Variants in CNTROB observed in about 807,000 individuals in gnomAD.
CNTROB encodes centrobin, centriole duplication and spindle assembly protein.
In CNTROB, 82 loss-of-function variants were observed where a neutral mutation model predicts 115.7. The ratio of observed to expected loss-of-function variants is 0.71; its 90% CI spans 0.59 to 0.85. The LOEUF (loss-of-function observed/expected upper bound fraction) is 0.85. Ranked by LOEUF, CNTROB falls within the 40% of genes least tolerant of loss-of-function variation. CNTROB has a pLI of 0.00. For missense variants in CNTROB, 1,014 were observed against 1,144.4 expected (o/e 0.89, Z 1.64); for synonymous variants, 439 against 456.4 (o/e 0.96, Z 0.49).
At position 7,939,700 on chromosome 17, in the gene CNTROB, A is replaced by G; in HGVS notation, c.1115A>G (p.His372Arg). 3 of 1,614,136 alleles carry G rather than the reference A, an allele frequency of 1.9e-6. No homozygotes were observed. Among genetic ancestry groups the G allele is most frequent in the Non-Finnish European group, 2.5e-6 (3 of 1,180,026 alleles). Residue 372 changes from histidine to arginine, a missense_variant, in exon 8 of 19, where the codon CAC becomes CGC. Coordinates refer to ENST00000563694, the MANE Select transcript of CNTROB (RefSeq NM_053051.5). The surrounding 1 kb of genome is among the most constrained non-coding windows in gnomAD (Gnocchi z 4.4). ...WAQQEHQLKE[H>R]YQALQEESQA... ...CAGCAAGAGCACCAGCTTAAGGAAC[A>G]CTACCAGGCGCTGCAGGAGGAGAGC...
At chr17:7,938,613 A>T (rs1973484199) in intron 7 of CNTROB, among the ~76,000 whole-genome samples, 3 of 152,336 alleles carry the variant, frequency 2.0e-5, no homozygotes, top group African/African-American at 7.2e-5. Flanking sequence ...AATGCTCAGA[A>T]GGCAGACCCT....
At chr17:7,942,828 G>GTC (rs1974062608) in intron 9 of CNTROB, among the ~76,000 whole-genome samples, 1 of 96,238 alleles carries the variant, frequency 1.0e-5, no homozygotes, top group African/African-American at 4.1e-5. Context: ...TTGAGACGGA[G>GTC]TCTCGCTGTG....
chr17:7,943,608 G>T lies in CNTROB; in HGVS notation c.1445+84G>T, dbSNP rs1974174939. 2.7e-6 allele frequency: 4 copies of T among 1,457,602 alleles called. No individual in the cohort carries two copies. Among genetic ancestry groups the T allele is most frequent in the South Asian group, 2.7e-5 (2 of 75,342 alleles). 90.3% of individuals were successfully genotyped at this position (1,457,602 alleles called of 1,614,324 possible). ...GGCCTGTGTTCCCTTCAATCCCTTT[G>T]CCATGGTCCAGCACTGTGACTCCCA... On this transcript the variant is annotated intron_variant, in intron 10 of 18. Coordinates refer to ENST00000563694, the MANE Select transcript of CNTROB (RefSeq NM_053051.5). This position sits in a 1 kb window ranked among gnomAD's most constrained non-coding sequence, Gnocchi z 4.7.
At chr17:7,936,943 C>T (rs1383220901) in intron 6 of CNTROB, 126 bp downstream of exon 6, 13 of 738,798 alleles carry the variant, frequency 1.8e-5, no homozygotes, top group Middle Eastern at 2.5e-4. Flanking sequence ...GCTGTCCTGA[C>T]ATTTCTTCTC....
Position 7,947,649 on chromosome 17 carries a change from C to T in CNTROB, c.2072C>T (p.Pro691Leu), listed in dbSNP as rs1176587884. ...ERPFPEEDPG[P>L]DGEGLLKQGL... is the part of the protein sequence containing the mutation. ...CCATTCCCTGAGGAAGATCCTGGACCTGACGGGGAGGGCCTCCTAAAGCAA... is the reference window on the plus strand; with the variant it reads ...CCATTCCCTGAGGAAGATCCTGGACTTGACGGGGAGGGCCTCCTAAAGCAA... The change falls in exon 14 of 19, where the codon CCT becomes CTT. Residue 691 changes from proline to leucine, a missense_variant. Transcript: ENST00000563694. 8 of 1,613,990 alleles carry T rather than the reference C, an allele frequency of 5.0e-6. No homozygotes were observed. Among genetic ancestry groups the T allele is most frequent in the Non-Finnish European group, 6.8e-6 (8 of 1,179,850 alleles).
At position 7,943,096 on chromosome 17, in the gene CNTROB, C is replaced by T. The variant is rs550097144; in HGVS notation, c.1312-295C>T. The stretch of plus-strand genomic sequence containing the variant: ...GATTACAGGCGTGAGCCACCGCGCC[C>T]AGCCTCAGGGTATGTTATATCAGAC... On this transcript the variant is annotated intron_variant, in intron 9 of 18. Coordinates refer to ENST00000563694, the MANE Select transcript of CNTROB (RefSeq NM_053051.5). The surrounding 1 kb of genome is among the most constrained non-coding windows in gnomAD (Gnocchi z 4.7). Among the ~76,000 whole-genome samples the T allele has an allele frequency of 2.1e-4, 32 of 152,116 alleles. No homozygotes were observed. The South Asian group carries it at 6.4e-3, about 31-fold the overall frequency.
At position 7,939,088 on chromosome 17, in the gene CNTROB, G is replaced by A. The variant is rs920701264; in HGVS notation, c.928-425G>A. Among the ~76,000 whole-genome samples the A allele has an allele frequency of 3.3e-5, 5 of 149,876 alleles. No individual in the cohort carries two copies. Among genetic ancestry groups the A allele is most frequent in the African/African-American group, 1.2e-4 (5 of 40,604 alleles). On this transcript the variant is annotated intron_variant, in intron 7 of 18. Coordinates refer to ENST00000563694, the MANE Select transcript of CNTROB (RefSeq NM_053051.5). This position sits in a 1 kb window ranked among gnomAD's most constrained non-coding sequence, Gnocchi z 4.4. ...GCCACTGCGCCTGTCAACTATTGTGGGGTTTCTTTTGGTTTTATTTGAGAT... is the reference window on the plus strand; with the variant it reads ...GCCACTGCGCCTGTCAACTATTGTGAGGTTTCTTTTGGTTTTATTTGAGAT...
chr17:7,943,552 C>T lies in CNTROB; in HGVS notation c.1445+28C>T, dbSNP rs1183340919. 6.3e-7 allele frequency: 1 copy of T among 1,599,658 alleles called. No individual in the cohort carries two copies. The highest frequency in any genetic ancestry group is 1.3e-5 in the African/African-American group (1 of 74,714). The stretch of plus-strand genomic sequence containing the variant: ...ACGTGGGACTCACTGGGTGTCACTT[C>T]TCTCAGCCACAGCACGTATCGTTAG... On this transcript the variant is annotated intron_variant, in intron 10 of 18. Transcript: ENST00000563694. This position sits in a 1 kb window ranked among gnomAD's most constrained non-coding sequence, Gnocchi z 4.7.
intron 13 of CNTROB, 75 bp downstream of exon 13, chr17:7,946,061 G>A (rs546163448): frequency 3.0e-6 from 4 of 1,332,324 alleles, no homozygotes; most frequent in African/African-American, 1.5e-5. Context: ...CCTGCTTTCT[G>A]TCTGATACTT....
At chr17:7,949,288 G>C in intron 18 of CNTROB, 97 bp from the exon 19 acceptor site, 1 of 1,589,282 alleles carries the variant, frequency 6.3e-7, no homozygotes, top group Non-Finnish European at 8.6e-7. Flanking sequence ...CCTCCCTGCA[G>C]ACTCATCTGG....
rs1972703924 is a variant in CNTROB at position 7,933,133 on chromosome 17, G to A, written c.54G>A (p.Leu18=). ...CACCCCTCGGGGCGGAGGATCTCCTGAGTGATTCATCAGAACCCCCTGGGC... is the reference window on the plus strand; with the variant it reads ...CACCCCTCGGGGCGGAGGATCTCCTAAGTGATTCATCAGAACCCCCTGGGC... ...PSSPLGAEDL[L]SDSSEPPGLN... Residue 18 remains leucine, a synonymous_variant, in exon 1 of 19, where the codon CTG becomes CTA. Coordinates refer to ENST00000563694, the MANE Select transcript of CNTROB (RefSeq NM_053051.5). 1.2e-6 allele frequency: 2 copies of A among 1,614,052 alleles called. No individual in the cohort carries two copies. The highest frequency in any genetic ancestry group is 1.7e-6 in the Non-Finnish European group (2 of 1,180,024).
At position 7,949,375 on chromosome 17, in the gene CNTROB, C is replaced by T. The variant is rs1403934611; in HGVS notation, c.2587-10C>T. The T allele has an allele frequency of 2.5e-6, 4 of 1,613,580 alleles. No individual in the cohort carries two copies. The highest frequency in any genetic ancestry group is 3.3e-5 in the Admixed American group (2 of 59,960). On this transcript the variant is annotated splice_polypyrimidine_tract_variant and intron_variant, in intron 18 of 18. Coordinates refer to ENST00000563694, the MANE Select transcript of CNTROB (RefSeq NM_053051.5). ...GCTGATTTCTTCCTCTCTCTTCCCT[C>T]AACTCTCAGATTCCCTCCCAGGCTG...
intron 14 of CNTROB, 64 bp from the exon 15 acceptor site, chr17:7,947,852 T>G: frequency 6.2e-7 from 1 of 1,608,826 alleles, no homozygotes; most frequent in Non-Finnish European, 8.5e-7. Flanking sequence ...GCTTCTTCTC[T>G]CAGATCCCTG....
At position 7,948,614 on chromosome 17, in the gene CNTROB, C is replaced by T. The variant is rs566302710; in HGVS notation, c.2508C>T (p.His836=). 1.9e-6 allele frequency: 3 copies of T among 1,614,146 alleles called. No homozygotes were observed. In the East Asian group the frequency reaches 6.7e-5, roughly 36 times the overall value. ...DLLLYLKRLE[H]SGTDGRGDNV... The stretch of plus-strand genomic sequence containing the variant: ...TGCTCTACCTGAAGAGGCTGGAACA[C>T]AGCGGGTACAAGCCTGGGAGGAAGG... Residue 836 remains histidine (H), a synonymous_variant, in exon 17 of 19, where the codon CAC becomes CAT. Transcript: ENST00000563694. This position sits in a 1 kb window ranked among gnomAD's most constrained non-coding sequence, Gnocchi z 4.4.
Position 7,945,539 on chromosome 17 carries a change from A to G in CNTROB, c.1735-189A>G, listed in dbSNP as rs1427048306. 6.3e-5 allele frequency: 37 copies of G among 591,770 alleles called. No individual in the cohort carries two copies. In the South Asian group the frequency reaches 8.5e-4, roughly 14 times the overall value. 36.7% of individuals were successfully genotyped at this position (591,770 alleles called of 1,614,324 possible). A position where few individuals can be genotyped will look rare whatever the true frequency, so the allele number is the denominator to read the frequency against. On this transcript the variant is annotated intron_variant, in intron 12 of 18. Coordinates refer to ENST00000563694, the MANE Select transcript of CNTROB (RefSeq NM_053051.5). ...GCTAATTTTTAAATTTTTTGTAGAG[A>G]TGGCATCTCTCTATGTTGCCAAGCC...
rs199517906 is a variant in CNTROB at position 7,934,449 on chromosome 17, C to T, written c.356-16C>T. The T allele has an allele frequency of 6.2e-6, 10 of 1,613,538 alleles. No individual in the cohort carries two copies. The highest frequency in any genetic ancestry group is 1.6e-4 in the Middle Eastern group (1 of 6,084). ...TTACCTGACTCTGGCTTTGGGGTCCCTCTGGCTGCCTGCAGGGGATCCTCT... is the reference window on the plus strand; with the variant it reads ...TTACCTGACTCTGGCTTTGGGGTCCTTCTGGCTGCCTGCAGGGGATCCTCT... On this transcript the variant is annotated splice_polypyrimidine_tract_variant and intron_variant, in intron 2 of 18. Transcript: ENST00000563694.
rs1464087263 is a variant in CNTROB, at chr17:7,948,650, C to A, written c.2513+31C>A. The A allele has an allele frequency of 6.2e-7, 1 of 1,614,104 alleles. No homozygotes were observed. Among genetic ancestry groups the A allele is most frequent in the East Asian group, 2.2e-5 (1 of 44,886 alleles). On this transcript the variant is annotated intron_variant, in intron 17 of 18. Coordinates refer to ENST00000563694, the MANE Select transcript of CNTROB (RefSeq NM_053051.5). This position sits in a 1 kb window ranked among gnomAD's most constrained non-coding sequence, Gnocchi z 4.4. ...AGCCTGGGAGGAAGGAGGAAGGATT[C>A]TCCGGGTGGAAGCTGGATTATGGGG...
At chr17:7,934,309 C>T (rs1972886036) in intron 2 of CNTROB, 87 bp downstream of exon 2, 1 of 1,415,874 alleles carries the variant, frequency 7.1e-7, no homozygotes, top group African/African-American at 1.4e-5. Context: ...GGCAGGAAAA[C>T]CTCTGAGCAA....
rs536204903 is a variant in CNTROB, at chr17:7,937,228, G to A, written c.893G>A (p.Ser298Asn). ...GAGGCCCTGAATCGTGAGCAGGAAA[G>A]TGCCAGACTGCAGCAACGGGAAAGA... ...AMEALNREQE[S>N]ARLQQRERET... Residue 298 changes from serine (S) to asparagine (N), a missense_variant, in exon 7 of 19, where the codon AGT becomes AAT. Transcript: ENST00000563694. 3.4e-5 allele frequency: 55 copies of A among 1,614,208 alleles called. No homozygotes were observed. The Middle Eastern group carries it at 4.9e-4, about 15-fold the overall frequency.
Sources: gnomAD v4.1 joint callset for allele counts (sites outside exome capture counted in the v4.1 genomes callset) on GRCh38, gnomAD v4.1.1 for gene constraint, Gnocchi (gnomAD v3.1) non-coding constraint, MANE v1.5 for transcripts, NCBI Gene and HGNC (gene_info 2026-07-23, HGNC 2026-07-21) for gene names.